The following DHX32 variants were observed in gnomAD, a reference collection of about 807,000 sequenced individuals.
DHX32 encodes DEAH-box helicase 32 (putative).
In DHX32, 51 loss-of-function variants were observed where a neutral mutation model predicts 70.0. That is an observed-to-expected ratio of 0.73 (90% CI 0.58 to 0.92). The LOEUF is 0.92. Among genes scored for constraint, DHX32 ranks in the 40% least tolerant of loss-of-function variants. The pLI, the probability that DHX32 is intolerant of heterozygous loss-of-function variation, is 0.00. For synonymous variants in DHX32, 310 were observed against 315.3 expected (o/e 0.98, Z 0.18); for missense variants, 762 against 891.8 (o/e 0.85, Z 1.85).
chr10:125,863,751 T>C (rs745681545), intron 2 of DHX32, among the ~76,000 whole-genome samples: 2 of 152,160 alleles, frequency 1.3e-5, no homozygotes, highest in Non-Finnish European at 2.9e-5. Flanking sequence ...GCCCGGCCAA[T>C]CAATGATCAA....
In DHX32 at chr10:125,859,994, A is replaced by G. The variant is rs1944175852; in HGVS notation, c.477-19T>C. 3 of 1,514,764 alleles carry G rather than the reference A, an allele frequency of 2.0e-6. No homozygotes were observed. The East Asian group carries it at 6.9e-5, about 35-fold the overall frequency. The allele number at this position is 1,514,764 out of a possible 1,614,324, so 93.8% of individuals were successfully genotyped here. On this transcript the variant is annotated intron_variant, in intron 2 of 10. Transcript: ENST00000284690. Reference sequence around the variant, plus strand: ...ACAATACCTATAAAGAAGAAACATTAAAGTTAGAATATTCTTATGCTAACT... The same window carrying G: ...ACAATACCTATAAAGAAGAAACATTGAAGTTAGAATATTCTTATGCTAACT...
At chr10:125,842,112 T>G in intron 6 of DHX32, 178 bp from the exon 7 acceptor site, 1 of 804,940 alleles carries the variant, frequency 1.2e-6, no homozygotes, top group Non-Finnish European at 1.8e-6. Context: ...GAGGGCAAAC[T>G]CAGGAGGGGA....
chr10:125,850,710 C>T (rs985942311), intron 6 of DHX32, among the ~76,000 whole-genome samples: 3 of 152,206 alleles, frequency 2.0e-5, no homozygotes, highest in Non-Finnish European at 2.9e-5. Context: ...CCTTATCTAA[C>T]GTGCCATGCC....
At chr10:125,876,890 A>G (rs1374558416) in intron 1 of DHX32, among the ~76,000 whole-genome samples, 1 of 152,232 alleles carries the variant, frequency 6.6e-6, no homozygotes, top group Admixed American at 6.5e-5. Context: ...TAATAATTAG[A>G]TATCAACATT....
At chr10:125,862,186 A>G (rs1044013351) in intron 2 of DHX32, among the ~76,000 whole-genome samples, 2 of 152,222 alleles carry the variant, frequency 1.3e-5, no homozygotes, top group Non-Finnish European at 2.9e-5. Context: ...CTGTCAAATT[A>G]TAACGATTGC....
intron 1 of DHX32, among the ~76,000 whole-genome samples, chr10:125,888,814 C>CT (rs1480264706): frequency 6.6e-6 from 1 of 152,254 alleles, no homozygotes; most frequent in Non-Finnish European, 1.5e-5. Flanking sequence ...AACCCCAGAA[C>CT]TTTGGGAGGC....
chr10:125,855,478 T>C (rs1247231178), intron 3 of DHX32, among the ~76,000 whole-genome samples: 1 of 145,234 alleles, frequency 6.9e-6, no homozygotes, highest in Non-Finnish European at 1.5e-5. Context: ...AGATGGAGTC[T>C]CGCTCTGTTG....
chr10:125,838,292 C>G lies in DHX32; in HGVS notation c.1977G>C (p.Lys659Asn). 2.5e-6 allele frequency: 4 copies of G among 1,613,984 alleles called. No individual in the cohort carries two copies. The highest frequency in any genetic ancestry group is 3.4e-6 in the Non-Finnish European group (4 of 1,179,992). ...LHPLSGYSIT[K>N]KMPEWVLFHK... ...GGAAGAGGACCCACTCTGGCATCTTCTTGGTGATTGAGTAACCAGACAGGG... is the reference window on the plus strand; with the variant it reads ...GGAAGAGGACCCACTCTGGCATCTTGTTGGTGATTGAGTAACCAGACAGGG... The change falls in exon 10 of 11, where the codon AAG (lysine) becomes AAC (asparagine). Residue 659 changes from lysine to asparagine, a missense_variant. This residue lies in a region of DHX32 where 366 missense variants were observed against 402.6 expected (regional missense o/e 0.91). Transcript: ENST00000284690.
rs549052623 is a variant in DHX32, at chr10:125,880,609, C to T, written c.216G>A (p.Met72Ile). ...LPIWKEKYSF[M>I]ENLLQNQIVI... is the part of the protein sequence containing the mutation. The stretch of plus-strand genomic sequence containing the variant: ...CGATTTGATTTTGAAGCAGGTTCTC[C>T]ATAAAGGAGTATTTTTCTTTCCATA... The change falls in exon 1 of 11, where the codon ATG (methionine) becomes ATA (isoleucine). Residue 72 changes from methionine to isoleucine, a missense_variant. Met to Ile is a conservative substitution (Grantham distance 10). Transcript: ENST00000284690. 6.2e-7 allele frequency: 1 copy of T among 1,614,060 alleles called. No individual in the cohort carries two copies. Among genetic ancestry groups the T allele is most frequent in the South Asian group, 1.1e-5 (1 of 91,078 alleles).
At position 125,880,095 on chromosome 10, in the gene DHX32, T is replaced by C. The variant is rs538242305; in HGVS notation, c.282+448A>G. Among the ~76,000 whole-genome samples, 13 of 152,356 alleles carry C rather than the reference T, an allele frequency of 8.5e-5. No homozygotes were observed. In the East Asian group the frequency reaches 2.1e-3, roughly 25 times the overall value. On this transcript the variant is annotated intron_variant, in intron 1 of 10. Coordinates refer to ENST00000284690, the MANE Select transcript of DHX32 (RefSeq NM_018180.3). ...AGTCAGGAAAATCAGAATTTCCTTG[T>C]GCTTTTGATTTCAGTAGCTCAGCCA...
At chr10:125,845,389 T>G (rs1378027730) in intron 6 of DHX32, among the ~76,000 whole-genome samples, 1 of 152,162 alleles carries the variant, frequency 6.6e-6, no homozygotes, top group Non-Finnish European at 1.5e-5. Context: ...GTAGCTGACA[T>G]TATGCAAATG....
chr10:125,884,941 A>C (rs144904184), upstream of DHX32, among the ~76,000 whole-genome samples: 9 of 152,188 alleles, frequency 5.9e-5, no homozygotes, highest in African/African-American at 2.2e-4. Context: ...ATAGGGCCTA[A>C]GTGGTCTCAT....
intron 1 of DHX32, among the ~76,000 whole-genome samples, chr10:125,879,211 T>C (rs1431782754): frequency 6.6e-6 from 1 of 151,622 alleles, no homozygotes; most frequent in Non-Finnish European, 1.5e-5. Flanking sequence ...TTTTATAAAG[T>C]TGGGATCTTG....
intron 6 of DHX32, among the ~76,000 whole-genome samples, chr10:125,844,330 A>G (rs764297613): frequency 2.0e-5 from 3 of 152,268 alleles, no homozygotes; most frequent in Non-Finnish European, 4.4e-5. Flanking sequence ...CTGCATTATA[A>G]GTTACAGGAT....
chr10:125,846,042 C>T (rs1174823957), intron 6 of DHX32, among the ~76,000 whole-genome samples: 2 of 152,200 alleles, frequency 1.3e-5, no homozygotes, highest in East Asian at 3.9e-4. Context: ...AATTTGTCTC[C>T]CACACGTGAC....
intron 4 of DHX32, 23 bp from the exon 5 acceptor site, chr10:125,852,665 A>G (rs2134045118): frequency 6.3e-7 from 1 of 1,584,216 alleles, no homozygotes; most frequent in Non-Finnish European, 8.6e-7. Context: ...AGACAGCATC[A>G]TTAGCGTCAG....
intron 1 of DHX32, among the ~76,000 whole-genome samples, chr10:125,889,364 T>A (rs4995386): frequency 6.6e-6 from 1 of 152,176 alleles, no homozygotes; most frequent in Non-Finnish European, 1.5e-5. Flanking sequence ...CTATTTTTAC[T>A]ATGTTTAGAA....
chr10:125,844,707 A>G (rs144774661), intron 6 of DHX32, among the ~76,000 whole-genome samples: 57 of 152,366 alleles, frequency 3.7e-4, no homozygotes, highest in African/African-American at 1.3e-3. Context: ...CTGCTTAAGT[A>G]TAATCCATAG....
chr10:125,842,820 CTTTA>C (rs1038811272), intron 6 of DHX32: 12 of 940,224 alleles, frequency 1.3e-5, no homozygotes, highest in Non-Finnish European at 1.4e-5. Context: ...CTCTCCATCT[CTTTA>C]TTTCTTTTAA....
Sources: allele counts gnomAD v4.1 joint callset (sites outside exome capture counted in the v4.1 genomes callset), GRCh38; gene constraint gnomAD v4.1.1; regional missense constraint gnomAD v4.1.1; transcripts MANE v1.5; gene names NCBI Gene and HGNC (gene_info 2026-07-23, HGNC 2026-07-21).